SLC25A24: variants seen among roughly 807,000 people sequenced by gnomAD.
SLC25A24 encodes solute carrier family 25 member 24.
Under a neutral mutation model 60.7 loss-of-function variants are expected in SLC25A24, and 49 were observed. The ratio of observed to expected loss-of-function variants is 0.81; its 90% CI spans 0.64 to 1.02. The LOEUF (loss-of-function observed/expected upper bound fraction) is 1.02, where lower values mean the gene tolerates loss of function less well. Among genes scored for constraint, SLC25A24 ranks in the 50% least tolerant of loss-of-function variants. The pLI is 0.00. For synonymous variants in SLC25A24, 202 were observed against 200.6 expected (o/e 1.01, Z -0.06); for missense variants, 564 against 586.3 (o/e 0.96, Z 0.39).
chr1:108,141,258 C>T (rs1473928843), intron 8 of SLC25A24, among the ~76,000 whole-genome samples: 4 of 151,956 alleles, frequency 2.6e-5, no homozygotes, highest in African/African-American at 9.7e-5. Context: ...TTCATATGGA[C>T]CTAATATTAA....
intron 3 of SLC25A24, among the ~76,000 whole-genome samples, chr1:108,162,042 C>T (rs1340198976): frequency 1.7e-4 from 25 of 149,644 alleles, no homozygotes; most frequent in South Asian, 8.5e-4. Flanking sequence ...TGAGAATATG[C>T]GGTGTTTGGT....
At position 108,145,659 on chromosome 1, in the gene SLC25A24, T is replaced by G. The variant is rs116166219; in HGVS notation, c.931-1949A>C. ...TAGCCAGTTTTCCCAACACCATACA[T>G]TAAATAAGGAATCCTTTCCCCATTG... is the stretch of plus-strand genomic sequence containing the variant. On this transcript the variant is annotated intron_variant, in intron 7 of 9. Transcript: ENST00000565488. Among the ~76,000 whole-genome samples the G allele has an allele frequency of 7.9e-3, 1,200 of 152,286 alleles. 20 individuals carry two copies. The highest frequency in any genetic ancestry group is 0.028 in the African/African-American group (1,153 of 41,550).
chr1:108,167,405 C>T (rs1218095175), intron 3 of SLC25A24, among the ~76,000 whole-genome samples: 25 of 152,138 alleles, frequency 1.6e-4, no homozygotes, highest in African/African-American at 5.8e-4. Flanking sequence ...TGCCGCCTTG[C>T]AGTTTGATCT....
chr1:108,151,409 A>G (rs574749674), intron 6 of SLC25A24, among the ~76,000 whole-genome samples: 3 of 152,114 alleles, frequency 2.0e-5, no homozygotes, highest in East Asian at 3.9e-4. Context: ...TCATTTCATT[A>G]CTTCACAGAA....
chr1:108,158,257 C>G (rs1483335577), intron 4 of SLC25A24, among the ~76,000 whole-genome samples: 2 of 152,082 alleles, frequency 1.3e-5, no homozygotes, highest in African/African-American at 2.4e-5. Flanking sequence ...ACCCCTTCAA[C>G]CTATTCTACA....
rs770854915 is a variant in SLC25A24 at position 108,194,290 on chromosome 1, T to A, written c.183+5666A>T. On this transcript the variant is annotated intron_variant, in intron 1 of 9. Transcript: ENST00000565488. ...CTGCTGAGCAGTGGCAAATGTCTAA[T>A]GCTGTTTCACAAGATGTGCTGTGGC... Among the ~76,000 whole-genome samples, 19 of 138,318 alleles carry A rather than the reference T, an allele frequency of 1.4e-4. 3 individuals are homozygous for A. Among genetic ancestry groups the A allele is most frequent in the Admixed American group, 1.3e-3 (16 of 12,118 alleles). 90.7% of individuals were successfully genotyped at this position (138,318 alleles called of 152,430 possible).
rs1042983976 is a variant in SLC25A24, at chr1:108,136,938, A to T, written c.1250-101T>A. 6.2e-6 allele frequency: 7 copies of T among 1,124,246 alleles called. No homozygotes were observed. The Admixed American group carries it at 1.7e-4, about 27-fold the overall frequency. The allele number at this position is 1,124,246 out of a possible 1,614,324, so 69.6% of individuals were successfully genotyped here. ...GAATGATATTCTAAAATACAGTAAAAGGACAACATTTATTCCAAGAAGCCC... is the reference window on the plus strand; with the variant it reads ...GAATGATATTCTAAAATACAGTAAATGGACAACATTTATTCCAAGAAGCCC... On this transcript the variant is annotated intron_variant, in intron 9 of 9. Coordinates refer to ENST00000565488, the MANE Select transcript of SLC25A24 (RefSeq NM_013386.5).
intron 5 of SLC25A24, among the ~76,000 whole-genome samples, chr1:108,156,655 C>T (rs1420235989): frequency 6.6e-6 from 1 of 152,216 alleles, no homozygotes; most frequent in East Asian, 1.9e-4. Context: ...TAAACAACTA[C>T]TATGTTCCAA....
At chr1:108,147,326 T>G (rs1289833090) in intron 7 of SLC25A24, among the ~76,000 whole-genome samples, 1 of 152,208 alleles carries the variant, frequency 6.6e-6, no homozygotes, top group Admixed American at 6.5e-5. Flanking sequence ...TTATTCTGGC[T>G]AGTTGTCTAT....
At position 108,191,326 on chromosome 1, in the gene SLC25A24, T is replaced by TA. The variant is rs751148350; in HGVS notation, c.184-5373dup. 6.0e-4 allele frequency among the ~76,000 whole-genome samples: 83 copies of TA among 138,864 alleles called. 12 individuals are homozygous for TA. The highest frequency in any genetic ancestry group is 1.1e-3 in the Non-Finnish European group (72 of 63,484). 91.1% of individuals were successfully genotyped at this position (138,864 alleles called of 152,430 possible). On this transcript the variant is annotated intron_variant, in intron 1 of 9. Coordinates refer to ENST00000565488, the MANE Select transcript of SLC25A24 (RefSeq NM_013386.5). ...TGCATTTTTAGTAGAGATGGGGTTT[T>TA]ACCATATTGGCCAGGCTGGTCTTGA...
At chr1:108,160,506 T>C (rs1045801906) in intron 4 of SLC25A24, among the ~76,000 whole-genome samples, 3 of 140,834 alleles carry the variant, frequency 2.1e-5, no homozygotes, top group Non-Finnish European at 4.6e-5. Flanking sequence ...TCCCAGACGA[T>C]GGGCGGCCAG....
chr1:108,137,222 T>C (rs520808), intron 9 of SLC25A24, among the ~76,000 whole-genome samples: 149,827 of 152,242 alleles, frequency 0.98, 73,770 homozygotes, highest in East Asian at 1. Flanking sequence ...GGTCTGACTC[T>C]AAAGCTGGTA....
At chr1:108,166,125 A>T (rs1173225871) in intron 3 of SLC25A24, among the ~76,000 whole-genome samples, 1 of 151,822 alleles carries the variant, frequency 6.6e-6, no homozygotes, top group African/African-American at 2.4e-5. Context: ...ATTGGCCCCC[A>T]CTCTCTTCTG....
chr1:108,188,984 T>G (rs1431404440), intron 1 of SLC25A24, among the ~76,000 whole-genome samples: 1 of 152,326 alleles, frequency 6.6e-6, no homozygotes, highest in East Asian at 1.9e-4. Flanking sequence ...TTTTAGCCAG[T>G]TTTGTGTTAT....
At chr1:108,171,593 C>T (rs905038180) in intron 3 of SLC25A24, among the ~76,000 whole-genome samples, 2 of 152,154 alleles carry the variant, frequency 1.3e-5, no homozygotes, top group Non-Finnish European at 2.9e-5. Flanking sequence ...TAATTCTACT[C>T]ATTCTTTAAC....
Position 108,185,950 on chromosome 1 carries a change from A to T in SLC25A24, c.188T>A (p.Ile63Asn). 6.4e-7 allele frequency: 1 copy of T among 1,572,662 alleles called. No individual in the cohort carries two copies. The highest frequency in any genetic ancestry group is 8.6e-7 in the Non-Finnish European group (1 of 1,160,194). Residue 63 changes from isoleucine (I) to asparagine (N), a missense_variant, in exon 2 of 10, where the codon ATT becomes AAT. By Grantham distance (149) the Ile-to-Asn change is moderately radical. Coordinates refer to ENST00000565488, the MANE Select transcript of SLC25A24 (RefSeq NM_013386.5). The part of the protein sequence containing the change: ...IPLGQDAEEK[I>N]FTTGDVNKDG... ...TTTGTTGACATCTCCAGTAGTAAAA[A>T]TTTTCTATAAAAAAAAATTAGAGAG...
At chr1:108,164,214 T>C (rs933466324) in intron 3 of SLC25A24, among the ~76,000 whole-genome samples, 1 of 152,128 alleles carries the variant, frequency 6.6e-6, no homozygotes, top group African/African-American at 2.4e-5. Flanking sequence ...TTGAGGATTT[T>C]TGCATCAATG....
intron 1 of SLC25A24, among the ~76,000 whole-genome samples, chr1:108,197,645 A>C (rs1309257861): frequency 6.6e-6 from 1 of 152,170 alleles, no homozygotes; most frequent in Admixed American, 6.5e-5. Flanking sequence ...CTGGTAAAAC[A>C]TGATTTCTGG....
intron 3 of SLC25A24, among the ~76,000 whole-genome samples, chr1:108,165,936 T>G (rs1298678397): frequency 1.3e-5 from 2 of 152,240 alleles, no homozygotes; most frequent in Non-Finnish European, 2.9e-5. Context: ...TGGTACTGAT[T>G]GTTCCTTTCC....
Sources: gnomAD v4.1 joint callset for allele counts (sites outside exome capture counted in the v4.1 genomes callset) on GRCh38, gnomAD v4.1.1 for gene constraint, MANE v1.5 for transcripts, NCBI Gene and HGNC (gene_info 2026-07-23, HGNC 2026-07-21) for gene names.